EPB41L3: variants seen among roughly 807,000 people sequenced by gnomAD.
EPB41L3 encodes the protein erythrocyte membrane protein band 4.1 like 3.
In EPB41L3, 57 loss-of-function variants were observed where a neutral mutation model predicts 127.1. The ratio of observed to expected loss-of-function variants is 0.45; its 90% confidence interval spans 0.36 to 0.56. The LOEUF is 0.56. Among genes scored for constraint, EPB41L3 ranks in the 20% least tolerant of loss-of-function variants. EPB41L3 has a pLI of 0.00. For missense variants in EPB41L3, 1,273 were observed against 1,372.2 expected (o/e 0.93, Z 1.14); for synonymous variants, 572 against 549.5 (o/e 1.04, Z -0.57).
chr18:5,460,904 G>C (rs1023644091), intron 3 of EPB41L3, among the ~76,000 whole-genome samples: 2 of 152,078 alleles, frequency 1.3e-5, no homozygotes, highest in Non-Finnish European at 2.9e-5. Context: ...TATACTGGGT[G>C]CATTTATGTA....
At chr18:5,624,861 G>T (rs1319217707) in intron 1 of EPB41L3, among the ~76,000 whole-genome samples, 1 of 152,180 alleles carries the variant, frequency 6.6e-6, no homozygotes, top group Non-Finnish European at 1.5e-5. Context: ...GCTACAGAAG[G>T]AAAGATGAGA....
chr18:5,551,786 T>A (rs1464267540), intron 3 of EPB41L3, among the ~76,000 whole-genome samples: 1 of 152,208 alleles, frequency 6.6e-6, no homozygotes, highest in Non-Finnish European at 1.5e-5. Flanking sequence ...CATGTGGACT[T>A]ATACAATTCT....
chr18:5,522,421 G>T (rs373809885), intron 1 of EPB41L3, among the ~76,000 whole-genome samples: 10 of 152,194 alleles, frequency 6.6e-5, no homozygotes, highest in African/African-American at 2.4e-4. Flanking sequence ...GCTAAGCCTG[G>T]CCGCCAAATC....
At chr18:5,628,715 G>A (rs1374367403) in intron 1 of EPB41L3, among the ~76,000 whole-genome samples, 1 of 152,132 alleles carries the variant, frequency 6.6e-6, no homozygotes, top group Non-Finnish European at 1.5e-5. Context: ...GGCCGAGGGG[G>A]CGGCCGAACG....
chr18:5,574,618 G>A (rs1464984562), intron 3 of EPB41L3, among the ~76,000 whole-genome samples: 2 of 152,032 alleles, frequency 1.3e-5, no homozygotes, highest in African/African-American at 4.8e-5. Flanking sequence ...CTTGGAATCT[G>A]AAATTTTGAT....
At chr18:5,529,832 C>A (rs2093352465) in intron 1 of EPB41L3, among the ~76,000 whole-genome samples, 2 of 152,050 alleles carry the variant, frequency 1.3e-5, no homozygotes, top group Non-Finnish European at 2.9e-5. Context: ...CTGGCTGATA[C>A]ATGAAGGCTA....
rs142029887 is a variant in EPB41L3 at position 5,477,023 on chromosome 18, A to C, written c.381+1218T>G. 4.5e-3 allele frequency among the ~76,000 whole-genome samples: 682 copies of C among 152,348 alleles called. 2 individuals carry two copies. The highest frequency in any genetic ancestry group is 0.015 in the African/African-American group (612 of 41,588). On this transcript the variant is annotated intron_variant, in intron 3 of 22. Transcript: ENST00000341928. The stretch of plus-strand genomic sequence containing the variant: ...GTAAGACTTTATTTTCAAAAACCAT[A>C]TAGACTTTTTTCTATGTTCCTGCAA...
At chr18:5,402,028 A>G (rs1213489585) in intron 16 of EPB41L3, among the ~76,000 whole-genome samples, 1 of 152,154 alleles carries the variant, frequency 6.6e-6, no homozygotes, top group Non-Finnish European at 1.5e-5. Flanking sequence ...AAAATCTACC[A>G]GTACTACATT....
Position 5,433,456 on chromosome 18 carries a change from A to G in EPB41L3, c.912+13T>C. The G allele has an allele frequency of 1.3e-6, 2 of 1,596,162 alleles. No individual in the cohort carries two copies. Among genetic ancestry groups the G allele is most frequent in the Non-Finnish European group, 1.7e-6 (2 of 1,166,074 alleles). On this transcript the variant is annotated intron_variant, in intron 8 of 22. Transcript: ENST00000341928. ...TATTAAATTGAAAGTTTAGGGTTTAAAAAGATGCATACCTTAGCATGATGT... is the reference window on the plus strand; with the variant it reads ...TATTAAATTGAAAGTTTAGGGTTTAGAAAGATGCATACCTTAGCATGATGT...
intron 3 of EPB41L3, among the ~76,000 whole-genome samples, chr18:5,458,993 C>T (rs1410947374): frequency 2.6e-5 from 4 of 152,012 alleles, no homozygotes; most frequent in African/African-American, 4.8e-5. Context: ...GGCCTAGATC[C>T]AAATTTTTGA....
rs527877809 is a variant in EPB41L3, at chr18:5,530,890, G to A, written c.-12+13023C>T. On this transcript the variant is annotated intron_variant, in intron 1 of 22. Transcript: ENST00000341928. ...GACAGGAAGCCCCGCAAAAATGGGC[G>A]GTGACATTCATTTTGCTGGGTGCCT... is the stretch of plus-strand genomic sequence containing the variant. Among the ~76,000 whole-genome samples, 29 of 152,224 alleles carry A rather than the reference G, an allele frequency of 1.9e-4. 1 individual carries two copies. In the South Asian group the frequency reaches 5.6e-3, roughly 29 times the overall value.
intron 3 of EPB41L3, among the ~76,000 whole-genome samples, chr18:5,469,274 G>T (rs959063473): frequency 6.6e-6 from 1 of 152,184 alleles, no homozygotes; most frequent in Admixed American, 6.5e-5. Context: ...CTCTTTGGGG[G>T]GTCTGTGGTT....
At chr18:5,573,913 CT>C (rs749608391) in intron 3 of EPB41L3, among the ~76,000 whole-genome samples, 6,011 of 141,382 alleles carry the variant, frequency 0.043, 278 homozygotes, top group African/African-American at 0.13. Context: ...ATATATATAC[CT>C]TTTTTTTTTT....
chr18:5,452,887 C>T (rs2082481787), intron 3 of EPB41L3, among the ~76,000 whole-genome samples: 2 of 152,108 alleles, frequency 1.3e-5, no homozygotes, highest in African/African-American at 4.8e-5. Context: ...TAAAGAATGA[C>T]CCTTAGTAGG....
In EPB41L3 at chr18:5,416,106, A is replaced by C; in HGVS notation, c.1779T>G (p.Pro593=). Residue 593 remains proline (P), a synonymous_variant, in exon 13 of 23, where the codon CCT becomes CCG. Coordinates refer to ENST00000341928, the MANE Select transcript of EPB41L3 (RefSeq NM_012307.5). ...CATCTAGGAGGGAGGGGAATGACTCAGGGAGCTGCAAGGAGAAGGAGAACA... is the reference window on the plus strand; with the variant it reads ...CATCTAGGAGGGAGGGGAATGACTCCGGGAGCTGCAAGGAGAAGGAGAACA... The part of the protein sequence containing the change: ...TTLFSFSLQL[P]ESFPSLLDDD... 6.2e-7 allele frequency: 1 copy of C among 1,612,558 alleles called. No homozygotes were observed. Among genetic ancestry groups the C allele is most frequent in the Non-Finnish European group, 8.5e-7 (1 of 1,179,026 alleles).
intron 3 of EPB41L3, among the ~76,000 whole-genome samples, chr18:5,588,758 C>A (rs888428890): frequency 6.6e-6 from 1 of 151,982 alleles, no homozygotes; most frequent in African/African-American, 2.4e-5. Flanking sequence ...GGTTATCTCT[C>A]CACTGTAATT....
intron 3 of EPB41L3, among the ~76,000 whole-genome samples, chr18:5,469,972 G>A (rs747230317): frequency 5.3e-5 from 8 of 152,056 alleles, no homozygotes; most frequent in Admixed American, 3.9e-4. Flanking sequence ...TAGAGACAGC[G>A]TTTCACCATG....
At chr18:5,488,654 A>T (rs1568396906) in intron 2 of EPB41L3, among the ~76,000 whole-genome samples, 1 of 152,044 alleles carries the variant, frequency 6.6e-6, no homozygotes, top group African/African-American at 2.4e-5. Context: ...GGGGAAATGC[A>T]AACTCACTCT....
intron 1 of EPB41L3, among the ~76,000 whole-genome samples, chr18:5,528,613 G>A (rs780802076): frequency 3.3e-5 from 5 of 151,468 alleles, no homozygotes; most frequent in Non-Finnish European, 7.4e-5. Flanking sequence ...TTTGTTTTTT[G>A]TTTTGAGACA....
Sources: gnomAD v4.1 joint callset for allele counts (sites outside exome capture counted in the v4.1 genomes callset) on GRCh38, gnomAD v4.1.1 for gene constraint, MANE v1.5 for transcripts, NCBI Gene and HGNC (gene_info 2026-07-23, HGNC 2026-07-21) for gene names.